WASF3: variants seen among roughly 807,000 people sequenced by gnomAD.
WASF3 encodes the protein actin-binding protein WASF3.
Under a neutral mutation model 46.6 loss-of-function variants are expected in WASF3, and 11 were observed. That is an observed-to-expected ratio of 0.24 (90% CI 0.15 to 0.39). The LOEUF (loss-of-function observed/expected upper bound fraction) is 0.39, where lower values mean the gene tolerates loss of function less well. Among genes scored for constraint, WASF3 ranks in the 10% least tolerant of loss-of-function variants. The pLI, the probability that WASF3 is intolerant of heterozygous loss-of-function variation, is 1.00. For synonymous variants in WASF3, 242 were observed against 259.7 expected (o/e 0.93, Z 0.65); for missense variants, 576 against 669.8 (o/e 0.86, Z 1.55).
At chr13:26,674,083 A>G (rs752848466) in intron 6 of WASF3, among the ~76,000 whole-genome samples, 2 of 152,136 alleles carry the variant, frequency 1.3e-5, no homozygotes, top group Non-Finnish European at 2.9e-5. Context: ...TAAGGATTTT[A>G]ATGTAGGCCA....
intron 6 of WASF3, among the ~76,000 whole-genome samples, chr13:26,674,980 C>T (rs1040356846): frequency 6.6e-6 from 1 of 152,162 alleles, no homozygotes; most frequent in Admixed American, 6.5e-5. Context: ...CTGTGAATTT[C>T]ATGTTCACAT....
At chr13:26,620,906 A>G (rs193020987) in intron 2 of WASF3, among the ~76,000 whole-genome samples, 1 of 152,308 alleles carries the variant, frequency 6.6e-6, no homozygotes, top group African/African-American at 2.4e-5. Flanking sequence ...ACATTATTCC[A>G]TAGACACAAA....
chr13:26,622,752 G>A (rs1881345788), intron 2 of WASF3: 1 of 151,642 alleles, frequency 6.6e-6, no homozygotes, highest in African/African-American at 2.4e-5. Flanking sequence ...TGCAGCTTGG[G>A]AGACAAAGCG....
Position 26,687,536 on chromosome 13 carries a change from T to C in WASF3, c.*1691T>C, listed in dbSNP as rs1883445401. The C allele has an allele frequency of 6.6e-6, 1 of 152,198 alleles. No homozygotes were observed. Among genetic ancestry groups the C allele is most frequent in the Admixed American group, 6.6e-5 (1 of 15,250 alleles). The allele number at this position is 152,198 out of a possible 1,614,324, so 9.4% of individuals were successfully genotyped here. On this transcript the variant is annotated 3_prime_UTR_variant, in exon 10 of 10. Transcript: ENST00000335327. ...AGATCTGAAGCCCTGAAAAGCCTCA[T>C]GTCTGCATCCCCTTTCCAAGGCTGC...
At chr13:26,577,181 C>A (rs1023672356) in intron 1 of WASF3, 1 of 753,408 alleles carries the variant, frequency 1.3e-6, no homozygotes, top group Non-Finnish European at 2.4e-6. Context: ...TTCCTAACTT[C>A]CTTGGCATGG....
chr13:26,598,684 A>T (rs750843668), intron 1 of WASF3, among the ~76,000 whole-genome samples: 1 of 152,158 alleles, frequency 6.6e-6, no homozygotes, highest in Non-Finnish European at 1.5e-5. Flanking sequence ...TCCGAACCCC[A>T]GTAAGATCTT....
chr13:26,660,058 G>A (rs1467541345), intron 3 of WASF3, among the ~76,000 whole-genome samples: 1 of 152,098 alleles, frequency 6.6e-6, no homozygotes, highest in Non-Finnish European at 1.5e-5. Context: ...AATGAATGTT[G>A]ATGGAAAAGA....
intron 1 of WASF3, among the ~76,000 whole-genome samples, chr13:26,611,494 G>T (rs1045945978): frequency 1.3e-5 from 2 of 152,152 alleles, no homozygotes; most frequent in African/African-American, 4.8e-5. Flanking sequence ...ATAGGATGTT[G>T]GACATTTTCC....
chr13:26,645,021 A>G (rs1267632040), intron 3 of WASF3, among the ~76,000 whole-genome samples: 2 of 152,206 alleles, frequency 1.3e-5, no homozygotes, highest in Non-Finnish European at 2.9e-5. Flanking sequence ...CATTACAGAA[A>G]GAGAAGCACA....
At chr13:26,683,995 T>A (rs1883324803) in intron 9 of WASF3, among the ~76,000 whole-genome samples, 2 of 152,178 alleles carry the variant, frequency 1.3e-5, no homozygotes, top group Admixed American at 6.5e-5. Flanking sequence ...AGTCATCTCA[T>A]CTGGAAGTGA....
intron 2 of WASF3, chr13:26,622,740 A>G (rs981982948): frequency 6.6e-6 from 1 of 152,148 alleles, no homozygotes; most frequent in African/African-American, 2.4e-5. Context: ...GCACCAGTGC[A>G]CTGCAGCTTG....
chr13:26,599,834 G>A (rs1880594618), intron 1 of WASF3, among the ~76,000 whole-genome samples: 1 of 152,186 alleles, frequency 6.6e-6, no homozygotes, highest in Admixed American at 6.5e-5. Flanking sequence ...TCTGTGTAAT[G>A]TTATAGAATG....
At chr13:26,666,565 GT>G (rs146048088) in intron 4 of WASF3, among the ~76,000 whole-genome samples, 2,077 of 152,264 alleles carry the variant, frequency 0.014, 49 homozygotes, top group African/African-American at 0.047. Context: ...GAATAGGTAG[GT>G]TAATAGCCTA....
chr13:26,645,838 T>G (rs9512301), intron 3 of WASF3, among the ~76,000 whole-genome samples: 77,670 of 151,874 alleles, frequency 0.51, 20,282 homozygotes, highest in Non-Finnish European at 0.57. Flanking sequence ...TATTGAGGGG[T>G]CATCCAGTTT....
At chr13:26,555,266 C>T (rs898997563), upstream of WASF3, among the ~76,000 whole-genome samples, 2 of 152,052 alleles carry the variant, frequency 1.3e-5, no homozygotes, top group East Asian at 1.9e-4. Flanking sequence ...TTAATTGACA[C>T]CTGAGTGGCC....
rs559630380 is a variant in WASF3, at chr13:26,563,025, T to C, written c.-109+5206T>C. On this transcript the variant is annotated intron_variant, in intron 1 of 9. Transcript: ENST00000335327. ...GACATGCTCTTCTGAGGACTGGTTG[T>C]TCCTTTGCAGGGCGGTTGCTTCCCA... Among the ~76,000 whole-genome samples the C allele has an allele frequency of 9.5e-4, 144 of 151,868 alleles. 1 individual carries two copies. The highest frequency in any genetic ancestry group is 3.4e-3 in the African/African-American group (140 of 41,350).
chr13:26,616,433 G>T (rs1453755623), intron 2 of WASF3, among the ~76,000 whole-genome samples: 1 of 152,070 alleles, frequency 6.6e-6, no homozygotes, highest in Non-Finnish European at 1.5e-5. Flanking sequence ...TTCAAATCTT[G>T]TGCCCATTTT....
chr13:26,597,043 T>C lies in WASF3; in HGVS notation c.-108-15918T>C, dbSNP rs375110102. On this transcript the variant is annotated intron_variant, in intron 1 of 9. Transcript: ENST00000335327. ...CATTTATCATAGTTATGTCTACTGGTTGCAACATCAGGATCATATATGGAT... is the reference window on the plus strand; with the variant it reads ...CATTTATCATAGTTATGTCTACTGGCTGCAACATCAGGATCATATATGGAT... 2.0e-5 allele frequency among the ~76,000 whole-genome samples: 3 copies of C among 152,368 alleles called. 1 individual carries two copies. Among genetic ancestry groups the C allele is most frequent in the African/African-American group, 7.2e-5 (3 of 41,598 alleles).
chr13:26,641,923 AG>A (rs1333414130), intron 2 of WASF3: 1 of 156,810 alleles, frequency 6.4e-6, no homozygotes, highest in Non-Finnish European at 1.4e-5. Context: ...AATCTGGTTA[AG>A]TGGTCTTCAG....
Sources: gnomAD v4.1 joint callset for allele counts (sites outside exome capture counted in the v4.1 genomes callset) on GRCh38, gnomAD v4.1.1 for gene constraint, MANE v1.5 for transcripts, NCBI Gene and HGNC (gene_info 2026-07-23, HGNC 2026-07-21) for gene names.